The following CEP126 variants were observed in gnomAD, a reference collection of about 807,000 sequenced individuals.
CEP126 encodes the protein centrosomal protein 126.
In CEP126, 74 loss-of-function variants were observed where a neutral mutation model predicts 107.8. The ratio of observed to expected loss-of-function variants is 0.69; its 90% confidence interval spans 0.57 to 0.83. The LOEUF is 0.83. Ranked by LOEUF, CEP126 falls within the 40% of genes least tolerant of loss-of-function variation. CEP126 has a pLI of 0.00. For missense variants in CEP126, 1,237 were observed against 1,281.9 expected, an observed-to-expected ratio of 0.96 and a Z score of 0.53; for synonymous variants, 449 against 446.0, an observed-to-expected ratio of 1.01 and a Z score of -0.08.
At chr11:101,933,856 G>C (rs1940538551) in intron 2 of CEP126, among the ~76,000 whole-genome samples, 1 of 132,424 alleles carries the variant, frequency 7.6e-6, no homozygotes, top group Non-Finnish European at 1.5e-5. Flanking sequence ...AGCAATTGAA[G>C]ATATGTCATT....
chr11:101,954,770 G>C (rs979879449), intron 4 of CEP126, among the ~76,000 whole-genome samples: 3 of 151,958 alleles, frequency 2.0e-5, no homozygotes, highest in Non-Finnish European at 4.4e-5. Context: ...ATAATCTTAA[G>C]TAATGTATAT....
intron 2 of CEP126, among the ~76,000 whole-genome samples, chr11:101,933,258 A>C (rs1469994185): frequency 1.3e-5 from 2 of 152,194 alleles, no homozygotes; most frequent in East Asian, 1.9e-4. Flanking sequence ...AAGTAATTAC[A>C]ATTTAGTGAG....
chr11:101,994,874 T>TG (rs943953015), intron 10 of CEP126, among the ~76,000 whole-genome samples: 1 of 148,800 alleles, frequency 6.7e-6, no homozygotes, highest in African/African-American at 2.5e-5. Flanking sequence ...TCTTGAGAGT[T>TG]TTTTTTTTTT....
At position 101,923,606 on chromosome 11, in the gene CEP126, C is replaced by T. The variant is rs574005522; in HGVS notation, c.248+846C>T. ...GGCATTATGTTTCTCTTCAGATTAA[C>T]TTTTTTATTGTCTGATGTAGTTGAA... is the stretch of plus-strand genomic sequence containing the variant. On this transcript the variant is annotated intron_variant, in intron 2 of 10. Transcript: ENST00000263468. Among the ~76,000 whole-genome samples, 7 of 152,224 alleles carry T rather than the reference C, an allele frequency of 4.6e-5. No individual in the cohort carries two copies. In the South Asian group the frequency reaches 1.5e-3, roughly 32 times the overall value.
chr11:101,954,616 A>G (rs1413088456), intron 4 of CEP126, among the ~76,000 whole-genome samples: 2 of 151,956 alleles, frequency 1.3e-5, no homozygotes, highest in African/African-American at 4.8e-5. Context: ...TGATATCTAT[A>G]TCTATCTGTG....
At chr11:101,954,513 C>T (rs1473208108) in intron 4 of CEP126, among the ~76,000 whole-genome samples, 1 of 152,168 alleles carries the variant, frequency 6.6e-6, no homozygotes, top group African/African-American at 2.4e-5. Context: ...TAACACACAT[C>T]ATCTTTGTTT....
chr11:101,952,957 G>A (rs1186177351), intron 4 of CEP126, among the ~76,000 whole-genome samples: 1 of 152,136 alleles, frequency 6.6e-6, no homozygotes, highest in Non-Finnish European at 1.5e-5. Flanking sequence ...TCAATAGGAG[G>A]AATCCTTATA....
intron 2 of CEP126, among the ~76,000 whole-genome samples, chr11:101,931,065 C>T (rs1357243504): frequency 6.6e-6 from 1 of 152,032 alleles, no homozygotes; most frequent in African/African-American, 2.4e-5. Context: ...TTTTAACCTA[C>T]TAAATTGAGG....
chr11:101,927,385 TAAAAC>T (rs1250562546), intron 2 of CEP126, among the ~76,000 whole-genome samples: 2 of 152,140 alleles, frequency 1.3e-5, no homozygotes, highest in African/African-American at 2.4e-5. Context: ...TTGTAAAAAA[TAAAAC>T]AGAGAGATTC....
At chr11:101,959,303 C>A (rs1232309236) in intron 5 of CEP126, among the ~76,000 whole-genome samples, 4 of 151,842 alleles carry the variant, frequency 2.6e-5, no homozygotes, top group African/African-American at 7.3e-5. Context: ...CTACAGGTGC[C>A]CGCCACCACG....
At chr11:101,960,308 A>G (rs1298615408) in intron 5 of CEP126, among the ~76,000 whole-genome samples, 1 of 152,194 alleles carries the variant, frequency 6.6e-6, no homozygotes, top group Non-Finnish European at 1.5e-5. Context: ...GATTTGGGAG[A>G]TGAAGCAATT....
chr11:101,927,603 TC>T (rs1940432385), intron 2 of CEP126, among the ~76,000 whole-genome samples: 1 of 152,196 alleles, frequency 6.6e-6, no homozygotes, highest in Non-Finnish European at 1.5e-5. Flanking sequence ...TATGATGTTC[TC>T]CATTTCTACA....
intron 2 of CEP126, among the ~76,000 whole-genome samples, chr11:101,929,414 T>C (rs1940460365): frequency 6.6e-6 from 1 of 152,170 alleles, no homozygotes; most frequent in South Asian, 2.1e-4. Flanking sequence ...TTACAGACAG[T>C]TGGAGGTAGA....
intron 6 of CEP126, among the ~76,000 whole-genome samples, chr11:101,972,008 C>T (rs11225094): frequency 0.056 from 8,452 of 151,312 alleles, 452 homozygotes; most frequent in East Asian, 0.26. Context: ...ACTTGGGAGG[C>T]TGAGGCAGGA....
At position 101,930,369 on chromosome 11, in the gene CEP126, TTATAC is replaced by T. The variant is rs544745907; in HGVS notation, c.248+7614_248+7618del. 4.4e-3 allele frequency among the ~76,000 whole-genome samples: 669 copies of T among 152,358 alleles called. 5 individuals carry two copies. The highest frequency in any genetic ancestry group is 0.015 in the African/African-American group (643 of 41,580). ...AGTGTAAATGTTATGTAAATAGTTG[TTATAC>T]TATATTTTTATTTGTATTATTTTTA... is the stretch of plus-strand genomic sequence containing the variant. On this transcript the variant is annotated intron_variant, in intron 2 of 10. Coordinates refer to ENST00000263468, the MANE Select transcript of CEP126 (RefSeq NM_020802.4).
chr11:101,978,579 G>GCC, intron 7 of CEP126, 120 bp downstream of exon 7: 2 of 622,438 alleles, frequency 3.2e-6, no homozygotes, highest in Non-Finnish European at 5.6e-6. Context: ...TATAATTATA[G>GCC]CCAAAGCCAT....
rs1196439517 is a variant in CEP126, at chr11:101,961,941, A to G, written c.906A>G (p.Ala302=). Residue 302 remains alanine, a synonymous_variant, in exon 6 of 11, where the codon GCA becomes GCG. Transcript: ENST00000263468. ...GCTGCTTTGATGAAGATAAACTGGC[A>G]TTCTCTAAAACTCAACATATAAATA... The part of the protein sequence containing the change: ...NLSCFDEDKL[A]FSKTQHINNW... The G allele has an allele frequency of 2.8e-5, 45 of 1,611,010 alleles. No individual in the cohort carries two copies. The highest frequency in any genetic ancestry group is 3.8e-5 in the Non-Finnish European group (45 of 1,178,742).
At chr11:101,918,026 T>G (rs1362231943) in intron 1 of CEP126, among the ~76,000 whole-genome samples, 1 of 152,148 alleles carries the variant, frequency 6.6e-6, no homozygotes, top group Non-Finnish European at 1.5e-5. Flanking sequence ...GTCTTACCAC[T>G]TGATAAGACT....
At chr11:101,966,220 A>G (rs1318606558) in intron 6 of CEP126, among the ~76,000 whole-genome samples, 1 of 152,240 alleles carries the variant, frequency 6.6e-6, no homozygotes. Flanking sequence ...CTTAGAAAAT[A>G]TAACAGTACT....
Sources: allele counts gnomAD v4.1 joint callset (sites outside exome capture counted in the v4.1 genomes callset), GRCh38; gene constraint gnomAD v4.1.1; transcripts MANE v1.5; gene names NCBI Gene and HGNC (gene_info 2026-07-23, HGNC 2026-07-21).